NEDD4L: variants seen among roughly 807,000 people sequenced by gnomAD.
NEDD4L encodes NEDD4 like E3 ubiquitin protein ligase.
Under a neutral mutation model 148.9 loss-of-function variants are expected in NEDD4L, and 54 were observed. The observed-to-expected ratio is 0.36, with a 90% CI of 0.29 to 0.45. The LOEUF (loss-of-function observed/expected upper bound fraction) is 0.45. NEDD4L is among the 20% of genes least tolerant of loss of function. NEDD4L has a pLI of 1.00. For synonymous variants in NEDD4L, 433 were observed against 440.7 expected, an observed-to-expected ratio of 0.98 and a Z score of 0.22; for missense variants, 856 against 1,233.8, an observed-to-expected ratio of 0.69 and a Z score of 4.59.
intron 2 of NEDD4L, among the ~76,000 whole-genome samples, chr18:58,239,751 C>T (rs2046419308): frequency 6.6e-6 from 1 of 152,214 alleles, no homozygotes; most frequent in African/African-American, 2.4e-5. Flanking sequence ...ATGACCTCGT[C>T]TGCGCTGTCT....
intron 5 of NEDD4L, among the ~76,000 whole-genome samples, chr18:58,265,246 A>G (rs565895217): frequency 1.3e-5 from 2 of 152,202 alleles, no homozygotes; most frequent in East Asian, 3.9e-4. Context: ...TGCCTTGTTC[A>G]TTATTAGCAG....
At position 58,256,211 on chromosome 18, in the gene NEDD4L, C is replaced by T. The variant is rs2048532641; in HGVS notation, c.297+4157C>T. On this transcript the variant is annotated intron_variant, in intron 5 of 30. Coordinates refer to ENST00000400345, the MANE Select transcript of NEDD4L (RefSeq NM_001144967.3). This position sits in a 1 kb window ranked among gnomAD's most constrained non-coding sequence, Gnocchi z 5.2. Reference sequence around the variant, plus strand: ...CGCGGAGGAGGCTGCCCCGGGCCTGCGCATCCAGCACCGCGCCTCCAGCGC... The same window carrying T: ...CGCGGAGGAGGCTGCCCCGGGCCTGTGCATCCAGCACCGCGCCTCCAGCGC... 1.6e-6 allele frequency: 2 copies of T among 1,221,984 alleles called. No homozygotes were observed. The highest frequency in any genetic ancestry group is 2.0e-6 in the Non-Finnish European group (2 of 981,792). The allele number at this position is 1,221,984 out of a possible 1,614,324, so 75.7% of individuals were successfully genotyped here.
chr18:58,318,217 A>T (rs7228980), intron 6 of NEDD4L, among the ~76,000 whole-genome samples: 37,479 of 152,118 alleles, frequency 0.25, 5,264 homozygotes, highest in African/African-American at 0.38. Flanking sequence ...GTGGATTATT[A>T]ACAGTCTGTA....
intron 22 of NEDD4L, among the ~76,000 whole-genome samples, chr18:58,370,048 C>T (rs920134519): frequency 3.9e-5 from 6 of 152,214 alleles, no homozygotes; most frequent in African/African-American, 7.2e-5. Context: ...CCCTGGCAAA[C>T]GGCTGGCAAG....
chr18:58,360,584 A>C (rs2045332932), intron 19 of NEDD4L, among the ~76,000 whole-genome samples: 2 of 151,716 alleles, frequency 1.3e-5, no homozygotes, highest in South Asian at 4.2e-4. Flanking sequence ...CTCTTTATTT[A>C]TTTTTGATGC....
intron 24 of NEDD4L, among the ~76,000 whole-genome samples, chr18:58,381,839 C>T (rs534614204): frequency 3.0e-4 from 46 of 152,286 alleles, no homozygotes; most frequent in African/African-American, 1.0e-3. Context: ...CACCCCACCC[C>T]CAAGTGGAAG....
chr18:58,258,282 A>G (rs958215103), intron 5 of NEDD4L, among the ~76,000 whole-genome samples: 1 of 152,180 alleles, frequency 6.6e-6, no homozygotes, highest in African/African-American at 2.4e-5. Context: ...ACAAATTACC[A>G]TCATGACAGT....
At chr18:58,393,086 C>G (rs1376914792) in intron 30 of NEDD4L, among the ~76,000 whole-genome samples, 1 of 152,222 alleles carries the variant, frequency 6.6e-6, no homozygotes, top group East Asian at 1.9e-4. Context: ...GATATACCCA[C>G]TTTCTTTTTA....
intron 1 of NEDD4L, among the ~76,000 whole-genome samples, chr18:58,097,420 G>A (rs1182976645): frequency 6.6e-6 from 1 of 152,224 alleles, no homozygotes; most frequent in East Asian, 1.9e-4. Context: ...TTTAGTTGAA[G>A]TGATACAGCA....
Position 58,082,102 on chromosome 18 carries a change from A to ATTT in NEDD4L, c.48+37411_48+37413dup, listed in dbSNP as rs1192932128. ...TGAATATATATATATATATATATAT[A>ATTT]TTTTTTTTTTTTTTTTTTTCTTGAG... On this transcript the variant is annotated intron_variant, in intron 1 of 30. Coordinates refer to ENST00000400345, the MANE Select transcript of NEDD4L (RefSeq NM_001144967.3). Among the ~76,000 whole-genome samples, 114 of 48,826 alleles carry ATTT rather than the reference A, an allele frequency of 2.3e-3. 4 individuals carry two copies. Among genetic ancestry groups the ATTT allele is most frequent in the East Asian group, 0.022 (36 of 1,646 alleles). 32.0% of individuals were successfully genotyped at this position (48,826 alleles called of 152,430 possible).
chr18:58,100,342 A>G (rs1227263190), intron 1 of NEDD4L, among the ~76,000 whole-genome samples: 1 of 152,254 alleles, frequency 6.6e-6, no homozygotes, highest in Non-Finnish European at 1.5e-5. Flanking sequence ...CTTAGAGGCC[A>G]GAGTAATGAC....
chr18:58,249,118 C>T (rs549320647), intron 4 of NEDD4L, among the ~76,000 whole-genome samples, 181 bp downstream of exon 4: 28 of 152,226 alleles, frequency 1.8e-4, no homozygotes, highest in Middle Eastern at 6.8e-3. Context: ...TCACAGAATC[C>T]GGACTTGTTT....
At chr18:58,344,165 G>A (rs1221864488) in intron 16 of NEDD4L, among the ~76,000 whole-genome samples, 2 of 152,212 alleles carry the variant, frequency 1.3e-5, no homozygotes, top group Non-Finnish European at 2.9e-5. Flanking sequence ...TGGACATTAA[G>A]TGTGTCCATT....
intron 1 of NEDD4L, among the ~76,000 whole-genome samples, chr18:58,053,187 C>T (rs948211004): frequency 3.3e-5 from 5 of 152,174 alleles, no homozygotes; most frequent in African/African-American, 4.8e-5. Context: ...TGAGTGGCTC[C>T]GGCATGTTTC....
At chr18:58,257,174 A>G (rs2048706480) in intron 5 of NEDD4L, among the ~76,000 whole-genome samples, 1 of 152,164 alleles carries the variant, frequency 6.6e-6, no homozygotes, top group Non-Finnish European at 1.5e-5. Flanking sequence ...GCCTGTGACA[A>G]TACTTTAAAA....
At chr18:58,293,025 G>C (rs542179348) in intron 5 of NEDD4L, among the ~76,000 whole-genome samples, 114 of 152,292 alleles carry the variant, frequency 7.5e-4, no homozygotes, top group African/African-American at 2.7e-3. Context: ...ACCTAAAGTT[G>C]TATTTTTCTC....
intron 2 of NEDD4L, among the ~76,000 whole-genome samples, chr18:58,210,701 T>C (rs1350569050): frequency 6.6e-6 from 1 of 152,192 alleles, no homozygotes. Flanking sequence ...ATTTTTACTC[T>C]TCCAGGACAT....
At chr18:58,167,212 A>G (rs2036961740) in intron 2 of NEDD4L, among the ~76,000 whole-genome samples, 1 of 152,206 alleles carries the variant, frequency 6.6e-6, no homozygotes, top group African/African-American at 2.4e-5. Context: ...GAGTGAAGCA[A>G]ATCCCACCTG....
At position 58,268,456 on chromosome 18, in the gene NEDD4L, C is replaced by T. The variant is rs186567978; in HGVS notation, c.297+16402C>T. ...CCAGGTGCAAATCTCCCCCCACAGACCTGCCCTCTGAACAGCCATTCACAG... is the reference window on the plus strand; with the variant it reads ...CCAGGTGCAAATCTCCCCCCACAGATCTGCCCTCTGAACAGCCATTCACAG... On this transcript the variant is annotated intron_variant, in intron 5 of 30. Transcript: ENST00000400345. Among the ~76,000 whole-genome samples, 370 of 152,180 alleles carry T rather than the reference C, an allele frequency of 2.4e-3. 3 individuals are homozygous for T. Among genetic ancestry groups the T allele is most frequent in the African/African-American group, 8.4e-3 (350 of 41,540 alleles).
Sources: allele counts gnomAD v4.1 joint callset (sites outside exome capture counted in the v4.1 genomes callset), GRCh38; gene constraint gnomAD v4.1.1; non-coding constraint Gnocchi (gnomAD v3.1); transcripts MANE v1.5; gene names NCBI Gene and HGNC (gene_info 2026-07-23, HGNC 2026-07-21).